IL7: variants seen among roughly 807,000 people sequenced by gnomAD.
IL7 encodes interleukin-7.
In IL7, 3 loss-of-function variants were observed where a neutral mutation model predicts 21.6. That is an observed-to-expected ratio of 0.14 (90% CI 0.06 to 0.36). The LOEUF (loss-of-function observed/expected upper bound fraction) is 0.36, where lower values mean the gene tolerates loss of function less well. Ranked by LOEUF, IL7 falls within the 10% of genes least tolerant of loss-of-function variation. The pLI, the probability that IL7 is intolerant of heterozygous loss-of-function variation, is 1.00. For missense variants in IL7, 175 were observed against 200.2 expected (o/e 0.87, Z 0.76); for synonymous variants, 62 against 68.1 (o/e 0.91, Z 0.44).
chr8:78,749,500 G>A (rs1189735472), intron 2 of IL7, among the ~76,000 whole-genome samples: 1 of 152,126 alleles, frequency 6.6e-6, no homozygotes, highest in East Asian at 1.9e-4. Flanking sequence ...CCAAATTAGA[G>A]AAACAGATAG....
At chr8:78,709,407 A>C (rs1053241920) in intron 3 of IL7, among the ~76,000 whole-genome samples, 1 of 152,162 alleles carries the variant, frequency 6.6e-6, no homozygotes, top group African/African-American at 2.4e-5. Context: ...CGTTATGTGA[A>C]TTTTTATGAA....
intron 2 of IL7, among the ~76,000 whole-genome samples, chr8:78,768,790 T>C (rs995691807): frequency 6.6e-6 from 1 of 151,684 alleles, no homozygotes; most frequent in Non-Finnish European, 1.5e-5. Context: ...ATCCCATTTG[T>C]CACTGGCAAA....
At chr8:78,782,109 T>G (rs1437622486) in intron 2 of IL7, among the ~76,000 whole-genome samples, 1 of 152,158 alleles carries the variant, frequency 6.6e-6, no homozygotes, top group Non-Finnish European at 1.5e-5. Context: ...GTTAACAGCT[T>G]CTATAATGTT....
Position 78,740,021 on chromosome 8 carries a change from T to C in IL7, c.209A>G (p.His70Arg), listed in dbSNP as rs762985197. 1.1e-5 allele frequency: 17 copies of C among 1,542,240 alleles called. No homozygotes were observed. The highest frequency in any genetic ancestry group is 2.6e-5 in the South Asian group (2 of 77,670). The change falls in exon 3 of 6, where the codon CAT becomes CGT. Residue 70 changes from histidine to arginine, a missense_variant. By Grantham distance (29) the His-to-Arg change is conservative (BLOSUM62 0). Transcript: ENST00000263851. ...CATTACCTTATTAGCATCACAGATA[T>C]GTCTTTTAAAAAAGTTAAATTCATT... ...LNNEFNFFKR[H>R]ICDANKEGMF... is the part of the protein sequence containing the mutation.
At chr8:78,686,859 A>T (rs893035705) in intron 3 of IL7, among the ~76,000 whole-genome samples, 31 of 152,136 alleles carry the variant, frequency 2.0e-4, no homozygotes, top group African/African-American at 7.5e-4. Flanking sequence ...ATATCATTTA[A>T]AAATTATTAT....
At chr8:78,702,700 G>T (rs772499890) in intron 3 of IL7, among the ~76,000 whole-genome samples, 3 of 151,982 alleles carry the variant, frequency 2.0e-5, no homozygotes, top group Non-Finnish European at 4.4e-5. Context: ...CGATTTCTGC[G>T]TTAATTTCAT....
chr8:78,766,904 A>G (rs893935509), intron 2 of IL7, among the ~76,000 whole-genome samples: 5 of 152,124 alleles, frequency 3.3e-5, no homozygotes, highest in African/African-American at 1.2e-4. Context: ...ACCAGCATAT[A>G]AAGGAGGCCA....
intron 2 of IL7, chr8:78,761,234 A>T: frequency 1.9e-6 from 3 of 1,602,682 alleles, no homozygotes; most frequent in Non-Finnish European, 2.5e-6. Flanking sequence ...AAGTTCTAAA[A>T]GCAGTTGTGG....
intron 3 of IL7, among the ~76,000 whole-genome samples, chr8:78,700,902 G>A (rs1405890417): frequency 2.0e-5 from 3 of 152,188 alleles, no homozygotes; most frequent in Admixed American, 2.0e-4. Context: ...TAGCCCTGTA[G>A]TATAGCTGGA....
rs1812508940 is a variant in IL7, at chr8:78,760,343, C to G, written c.148-20261G>C. 5 of 1,610,196 alleles carry G rather than the reference C, an allele frequency of 3.1e-6. No homozygotes were observed. In the Admixed American group the frequency reaches 5.0e-5, roughly 16 times the overall value. On this transcript the variant is annotated intron_variant, in intron 2 of 5. Coordinates refer to ENST00000263851, the MANE Select transcript of IL7 (RefSeq NM_000880.4). The stretch of plus-strand genomic sequence containing the variant: ...GACGCTTTCATCCATTTTCATACCG[C>G]TCATTCTCAACCTTCATCACAGAAG...
At chr8:78,725,903 C>A (rs2953475) in intron 3 of IL7, among the ~76,000 whole-genome samples, 51,042 of 151,704 alleles carry the variant, frequency 0.34, 9,931 homozygotes, top group African/African-American at 0.53. Context: ...TTGATCAAAA[C>A]TTTATTTTAT....
chr8:78,740,582 T>A (rs1478469595), intron 2 of IL7, among the ~76,000 whole-genome samples: 2 of 152,180 alleles, frequency 1.3e-5, no homozygotes, highest in African/African-American at 4.8e-5. Flanking sequence ...CCCCTTCATA[T>A]CAGTTGTCTG....
intron 2 of IL7, among the ~76,000 whole-genome samples, chr8:78,779,247 G>A (rs1285877723): frequency 1.3e-5 from 2 of 152,086 alleles, no homozygotes; most frequent in African/African-American, 2.4e-5. Flanking sequence ...TTGCCTGATT[G>A]CCCTGGCCAG....
chr8:78,754,572 G>A (rs535668653), intron 2 of IL7, among the ~76,000 whole-genome samples: 34 of 152,092 alleles, frequency 2.2e-4, no homozygotes, highest in Non-Finnish European at 4.0e-4. Flanking sequence ...AAAAGAGCCC[G>A]TATAGCCAAG....
chr8:78,801,926 C>T (rs1243387116), intron 1 of IL7, among the ~76,000 whole-genome samples: 1 of 152,134 alleles, frequency 6.6e-6, no homozygotes, highest in Non-Finnish European at 1.5e-5. Flanking sequence ...TTAAGAATGG[C>T]TGGTTTGAGA....
chr8:78,736,593 T>A, intron 4 of IL7, 66 bp from the exon 5 acceptor site: 1 of 1,011,962 alleles, frequency 9.9e-7, no homozygotes, highest in Non-Finnish European at 1.5e-6. Flanking sequence ...TGTTTGTAAT[T>A]GCTAATTTTC....
chr8:78,688,806 A>G (rs1280398025), intron 3 of IL7, among the ~76,000 whole-genome samples: 1 of 152,130 alleles, frequency 6.6e-6, no homozygotes, highest in Non-Finnish European at 1.5e-5. Flanking sequence ...AAAAAATTTT[A>G]ATAGATGAGC....
At chr8:78,717,404 C>A (rs1266075647), downstream of IL7, 4 of 1,613,416 alleles carry the variant, frequency 2.5e-6, no homozygotes, top group Non-Finnish European at 3.4e-6. Context: ...TGGAAACTTA[C>A]CAAAATTCTG....
chr8:78,717,447 G>T, downstream of IL7: 1 of 1,605,290 alleles, frequency 6.2e-7, no homozygotes, highest in South Asian at 1.1e-5. Context: ...CCTGTAGAAT[G>T]GGCCAAATTT....
Sources: allele counts gnomAD v4.1 joint callset (sites outside exome capture counted in the v4.1 genomes callset), GRCh38; gene constraint gnomAD v4.1.1; transcripts MANE v1.5; gene names NCBI Gene and HGNC (gene_info 2026-07-23, HGNC 2026-07-21).